Variants in NRG3 observed in about 807,000 individuals in gnomAD.
The protein encoded by NRG3 is neuregulin 3.
Under a neutral mutation model 66.9 loss-of-function variants are expected in NRG3, and 31 were observed. The observed-to-expected ratio is 0.46, with a 90% CI of 0.35 to 0.63. The LOEUF (loss-of-function observed/expected upper bound fraction) is 0.63. NRG3 is among the 20% of genes least tolerant of loss of function. NRG3 has a pLI of 0.00. For missense variants in NRG3, 910 were observed against 878.9 expected (o/e 1.04, Z -0.45); for synonymous variants, 393 against 359.4 (o/e 1.09, Z -1.06).
chr10:82,494,127 T>G (rs1843406811), intron 2 of NRG3, among the ~76,000 whole-genome samples: 1 of 152,182 alleles, frequency 6.6e-6, no homozygotes, highest in African/African-American at 2.4e-5. Flanking sequence ...AGGAATGCTT[T>G]TACACTATTG....
At chr10:81,923,317 T>G (rs2132893758) in intron 1 of NRG3, among the ~76,000 whole-genome samples, 1 of 152,014 alleles carries the variant, frequency 6.6e-6, no homozygotes, top group East Asian at 1.9e-4. Flanking sequence ...GCCATTCTCC[T>G]GCCTCAGCCT....
At chr10:82,933,500 A>C (rs1347842456) in intron 4 of NRG3, among the ~76,000 whole-genome samples, 1 of 152,134 alleles carries the variant, frequency 6.6e-6, no homozygotes, top group Non-Finnish European at 1.5e-5. Context: ...TAGTTCATTA[A>C]CACCTACCAC....
rs190850491 is a variant in NRG3, at chr10:82,768,996, A to G, written c.1027+30346A>G. ...CGCTTTAAGAAGCAATTACTAATAAAACTGAGATTCTAACAGTCAAAATTG... is the reference window on the plus strand; with the variant it reads ...CGCTTTAAGAAGCAATTACTAATAAGACTGAGATTCTAACAGTCAAAATTG... On this transcript the variant is annotated intron_variant, in intron 3 of 8. Transcript: ENST00000372141. Among the ~76,000 whole-genome samples, 33 of 152,278 alleles carry G rather than the reference A, an allele frequency of 2.2e-4. 2 individuals are homozygous for G. In the East Asian group the frequency reaches 6.2e-3, roughly 28 times the overall value.
chr10:82,516,733 G>A (rs958052067), intron 2 of NRG3, among the ~76,000 whole-genome samples: 9 of 152,090 alleles, frequency 5.9e-5, no homozygotes, highest in Admixed American at 2.0e-4. Context: ...AAATGACAAA[G>A]CTTCTTTCCA....
At chr10:82,613,501 T>C (rs891826095) in intron 2 of NRG3, among the ~76,000 whole-genome samples, 15 of 151,674 alleles carry the variant, frequency 9.9e-5, no homozygotes, top group African/African-American at 3.6e-4. Flanking sequence ...GATAATATTT[T>C]TACATCTGTC....
intron 3 of NRG3, among the ~76,000 whole-genome samples, chr10:82,823,733 C>G (rs992683563): frequency 2.6e-5 from 4 of 152,154 alleles, no homozygotes; most frequent in Admixed American, 6.6e-5. Flanking sequence ...TCCCTCATCT[C>G]AGACAAATTT....
intron 1 of NRG3, among the ~76,000 whole-genome samples, chr10:82,066,949 T>C (rs1008526527): frequency 6.6e-6 from 1 of 152,186 alleles, no homozygotes; most frequent in Non-Finnish European, 1.5e-5. Context: ...AATCAACATA[T>C]ATAAGTAACT....
At chr10:82,658,510 T>C (rs2133943180) in intron 2 of NRG3, among the ~76,000 whole-genome samples, 1 of 152,212 alleles carries the variant, frequency 6.6e-6, no homozygotes, top group South Asian at 2.1e-4. Context: ...TATTTACCAC[T>C]TCTATTCAGA....
chr10:82,332,361 A>G lies in NRG3; in HGVS notation c.824-26378A>G, dbSNP rs373100608. Among the ~76,000 whole-genome samples, 188 of 152,278 alleles carry G rather than the reference A, an allele frequency of 1.2e-3. 1 individual carries two copies. The highest frequency in any genetic ancestry group is 4.3e-3 in the African/African-American group (180 of 41,552). ...CTGCCTGTTGATGTCATGGGGAACC[A>G]GGGTAATGGGGAGCGGACAGTTTCT... On this transcript the variant is annotated intron_variant, in intron 1 of 8. Transcript: ENST00000372141.
At chr10:82,878,089 A>G (rs1013585920) in intron 4 of NRG3, among the ~76,000 whole-genome samples, 1 of 152,208 alleles carries the variant, frequency 6.6e-6, no homozygotes, top group Non-Finnish European at 1.5e-5. Context: ...TTTAAGTGAA[A>G]GAATAAAAAA....
chr10:81,886,338 G>A (rs1422034091), intron 1 of NRG3, among the ~76,000 whole-genome samples: 1 of 152,004 alleles, frequency 6.6e-6, no homozygotes, highest in Non-Finnish European at 1.5e-5. Flanking sequence ...ACTGTAATTG[G>A]GTAATGCATT....
At chr10:82,925,592 C>A (rs1361021972) in intron 4 of NRG3, among the ~76,000 whole-genome samples, 1 of 152,244 alleles carries the variant, frequency 6.6e-6, no homozygotes, top group Non-Finnish European at 1.5e-5. Context: ...CTACTCCTGT[C>A]TTCTTAATTC....
At position 81,936,665 on chromosome 10, in the gene NRG3, G is replaced by T. The variant is rs569653688; in HGVS notation, c.823+60502G>T. Among the ~76,000 whole-genome samples the T allele has an allele frequency of 3.9e-5, 6 of 152,182 alleles. No individual in the cohort carries two copies. In the East Asian group the frequency reaches 9.7e-4, roughly 25 times the overall value. ...TATTATTTTGGTTTTGCTCCGTAAG[G>T]TGGTTGGGGCCGAAGCTCTTTCTAA... is the stretch of plus-strand genomic sequence containing the variant. On this transcript the variant is annotated intron_variant, in intron 1 of 8. Transcript: ENST00000372141.
At chr10:82,928,707 A>G (rs1371900713) in intron 4 of NRG3, among the ~76,000 whole-genome samples, 1 of 152,140 alleles carries the variant, frequency 6.6e-6, no homozygotes, top group Non-Finnish European at 1.5e-5. Context: ...GTAGTACAAA[A>G]GCAACCATAG....
intron 1 of NRG3, among the ~76,000 whole-genome samples, chr10:82,129,385 C>T (rs1488958377): frequency 1.3e-5 from 2 of 152,078 alleles, no homozygotes; most frequent in Non-Finnish European, 2.9e-5. Context: ...TTCTGGTTTC[C>T]TTATCTCCTC....
At chr10:82,916,760 C>T (rs1012911515) in intron 4 of NRG3, among the ~76,000 whole-genome samples, 16 of 151,978 alleles carry the variant, frequency 1.1e-4, no homozygotes, top group South Asian at 6.2e-4. Flanking sequence ...GGTCTATAGG[C>T]GCGTGCCACC....
chr10:82,138,922 G>A (rs930213432), intron 1 of NRG3, among the ~76,000 whole-genome samples: 2 of 152,060 alleles, frequency 1.3e-5, no homozygotes, highest in African/African-American at 4.8e-5. Flanking sequence ...TGCTCACCCA[G>A]CTTGAGGGAG....
intron 1 of NRG3, among the ~76,000 whole-genome samples, chr10:81,947,534 T>A (rs1848957058): frequency 6.6e-6 from 1 of 152,146 alleles, no homozygotes; most frequent in South Asian, 2.1e-4. Context: ...ATCCCATTGC[T>A]CATAGTGGCA....
At chr10:82,864,894 TGAAA>T (rs1431146016) in intron 3 of NRG3, among the ~76,000 whole-genome samples, 4 of 152,126 alleles carry the variant, frequency 2.6e-5, no homozygotes, top group Non-Finnish European at 5.9e-5. Flanking sequence ...ATCTAAAAAG[TGAAA>T]GAGAGAGAGA....
Sources: allele counts gnomAD v4.1 joint callset (sites outside exome capture counted in the v4.1 genomes callset), GRCh38; gene constraint gnomAD v4.1.1; transcripts MANE v1.5; gene names NCBI Gene and HGNC (gene_info 2026-07-23, HGNC 2026-07-21).